SKA2: variants seen among roughly 807,000 people sequenced by gnomAD.
SKA2 encodes the protein spindle and kinetochore-associated protein 2.
Under a neutral mutation model 16.9 loss-of-function variants are expected in SKA2, and 13 were observed. That is an observed-to-expected ratio of 0.77 (90% CI 0.50 to 1.22). SKA2 has a LOEUF of 1.22. Ranked by LOEUF, SKA2 falls within the 50% of genes most tolerant of loss-of-function variation. SKA2 has a pLI of 0.00. For synonymous variants in SKA2, 47 were observed against 48.5 expected (o/e 0.97, Z 0.13); for missense variants, 107 against 139.7 (o/e 0.77, Z 1.18).
At chr17:59,122,037 G>T (rs1003304540) in intron 2 of SKA2, among the ~76,000 whole-genome samples, 1 of 151,824 alleles carries the variant, frequency 6.6e-6, no homozygotes, top group African/African-American at 2.4e-5. Context: ...TCAGATGGGA[G>T]CAGGATAGAG....
intron 2 of SKA2, among the ~76,000 whole-genome samples, chr17:59,126,645 G>A (rs1395268883): frequency 6.6e-6 from 1 of 151,914 alleles, no homozygotes; most frequent in Non-Finnish European, 1.5e-5. Context: ...TATAACACAC[G>A]AAAAAGGGAG....
At chr17:59,121,653 CA>C (rs147114598) in intron 2 of SKA2, among the ~76,000 whole-genome samples, 357 of 101,540 alleles carry the variant, frequency 3.5e-3, no homozygotes, top group Middle Eastern at 0.019. Context: ...AACTCCCTCT[CA>C]AAAAAAAAAA....
At chr17:59,140,914 C>T (rs1361102696) in intron 1 of SKA2, among the ~76,000 whole-genome samples, 3 of 151,596 alleles carry the variant, frequency 2.0e-5, no homozygotes, top group East Asian at 3.9e-4. Flanking sequence ...TGAGCCACCG[C>T]GCCTGGCCTA....
At chr17:59,150,423 T>C (rs1341809393) in intron 1 of SKA2, among the ~76,000 whole-genome samples, 2 of 151,998 alleles carry the variant, frequency 1.3e-5, no homozygotes, top group African/African-American at 4.8e-5. Flanking sequence ...TCCTAGACAA[T>C]ACACAAAATT....
At position 59,141,444 on chromosome 17, in the gene SKA2, G is replaced by A. The variant is rs192720755; in HGVS notation, c.34-10077C>T. Among the ~76,000 whole-genome samples the A allele has an allele frequency of 4.5e-3, 690 of 152,052 alleles. 3 individuals are homozygous for A. Among genetic ancestry groups the A allele is most frequent in the African/African-American group, 0.016 (652 of 41,486 alleles). ...ATTGTGTAACTCAAATGACAGCCGC[G>A]GCTGTGCACAGTGGCTCAGGCCTGT... On this transcript the variant is annotated intron_variant, in intron 1 of 3. Transcript: ENST00000330137.
intron 1 of SKA2, among the ~76,000 whole-genome samples, chr17:59,144,298 G>A (rs1239383754): frequency 6.6e-6 from 1 of 151,732 alleles, no homozygotes; most frequent in African/African-American, 2.4e-5. Flanking sequence ...TGGAACCCTT[G>A]TCCACTGTTG....
At chr17:59,143,416 C>G (rs1343676175) in intron 1 of SKA2, among the ~76,000 whole-genome samples, 1 of 152,172 alleles carries the variant, frequency 6.6e-6, no homozygotes, top group Non-Finnish European at 1.5e-5. Flanking sequence ...GAGTCTTACT[C>G]TGTTGTCCAC....
chr17:59,146,976 G>A (rs972232356), intron 1 of SKA2, among the ~76,000 whole-genome samples: 2 of 152,118 alleles, frequency 1.3e-5, no homozygotes, highest in Non-Finnish European at 2.9e-5. Context: ...AGCCAATCTG[G>A]GATGGTCTTT....
chr17:59,132,231 C>G (rs888157260), intron 1 of SKA2, among the ~76,000 whole-genome samples: 8 of 152,114 alleles, frequency 5.3e-5, no homozygotes, highest in Middle Eastern at 3.2e-3. Flanking sequence ...TGGCAGAAGC[C>G]TGTAATCCCA....
intron 2 of SKA2, among the ~76,000 whole-genome samples, chr17:59,125,958 T>TC (rs2046369535): frequency 6.6e-6 from 1 of 151,836 alleles, no homozygotes; most frequent in Non-Finnish European, 1.5e-5. Context: ...GATCACGAGG[T>TC]CAGGAGATCG....
chr17:59,132,644 C>A (rs932240020), intron 1 of SKA2, among the ~76,000 whole-genome samples: 1 of 152,286 alleles, frequency 6.6e-6, no homozygotes, highest in Non-Finnish European at 1.5e-5. Flanking sequence ...GCCTGGGTAA[C>A]AGAGCAAGAC....
chr17:59,154,836 C>T (rs2046609809), intron 1 of SKA2: 1 of 1,085,360 alleles, frequency 9.2e-7, no homozygotes. Context: ...GCGGTCTGCA[C>T]CCGGCGCAGT....
intron 1 of SKA2, chr17:59,138,004 C>T (rs1193306233): frequency 1.3e-5 from 3 of 222,394 alleles, no homozygotes; most frequent in African/African-American, 2.4e-5. Context: ...AAATCAGCCT[C>T]CTGGAAGCCT....
intron 1 of SKA2, among the ~76,000 whole-genome samples, chr17:59,146,403 G>A (rs1399689707): frequency 1.3e-5 from 2 of 152,096 alleles, no homozygotes; most frequent in African/African-American, 2.4e-5. Flanking sequence ...GGAGGGTGAC[G>A]CAGGCAAATA....
intron 2 of SKA2, chr17:59,124,527 A>G (rs568109157): frequency 6.6e-6 from 1 of 152,294 alleles, no homozygotes; most frequent in South Asian, 2.1e-4. Context: ...TAACTTAATT[A>G]TAAATGATCT....
chr17:59,152,595 T>G (rs1373655050), intron 1 of SKA2, among the ~76,000 whole-genome samples: 1 of 84,146 alleles, frequency 1.2e-5, no homozygotes, highest in East Asian at 2.9e-4. Context: ...TATTATGCAT[T>G]TCCTTTTACC....
intron 1 of SKA2, among the ~76,000 whole-genome samples, chr17:59,147,488 A>G (rs1363343990): frequency 6.6e-6 from 1 of 151,872 alleles, no homozygotes; most frequent in African/African-American, 2.4e-5. Flanking sequence ...GTTCATGCCT[A>G]ACATTTTAGG....
intron 2 of SKA2, among the ~76,000 whole-genome samples, chr17:59,127,368 ATTTACAT>A (rs2046378701): frequency 1.3e-5 from 2 of 152,044 alleles, no homozygotes; most frequent in African/African-American, 4.8e-5. Flanking sequence ...AAATGTTGTT[ATTTACAT>A]TTTACTACAA....
intron 1 of SKA2, among the ~76,000 whole-genome samples, chr17:59,139,651 G>T (rs1298483381): frequency 6.6e-6 from 1 of 151,934 alleles, no homozygotes; most frequent in Non-Finnish European, 1.5e-5. Flanking sequence ...CACCCGGCCA[G>T]AATCTACTTT....
Sources: allele counts gnomAD v4.1 joint callset (sites outside exome capture counted in the v4.1 genomes callset), GRCh38; gene constraint gnomAD v4.1.1; transcripts MANE v1.5; gene names NCBI Gene and HGNC (gene_info 2026-07-23, HGNC 2026-07-21).